ITPR3: variants seen among roughly 807,000 people sequenced by gnomAD.
The protein encoded by ITPR3 is inositol 1,4,5-trisphosphate receptor type 3.
In ITPR3, 173 loss-of-function variants were observed where a neutral mutation model predicts 293.2. The observed-to-expected ratio is 0.59, with a 90% CI of 0.52 to 0.67. The LOEUF is 0.67. Ranked by LOEUF, ITPR3 falls within the 30% of genes least tolerant of loss-of-function variation. The pLI is 0.00. For missense variants in ITPR3, 2,796 were observed against 3,592.1 expected (o/e 0.78, Z 5.66); for synonymous variants, 1,295 against 1,444.4 (o/e 0.90, Z 2.35).
At chr6:33,674,515 G>A (rs1053465979) in intron 24 of ITPR3, among the ~76,000 whole-genome samples, 7 of 152,234 alleles carry the variant, frequency 4.6e-5, no homozygotes, top group Non-Finnish European at 1.0e-4. Context: ...CTCTTGTGCA[G>A]TGGACTTGAG....
intron 23 of ITPR3, 58 bp downstream of exon 23, chr6:33,673,778 C>T: frequency 6.3e-7 from 1 of 1,592,060 alleles, no homozygotes; most frequent in Non-Finnish European, 8.6e-7. Flanking sequence ...GGATACACAG[C>T]AGTGGGGTGG....
In ITPR3 at chr6:33,658,240, G is replaced by T. The variant is rs1447745809; in HGVS notation, c.369+222G>T. ...CCATGGGTGTGTTTACAGCATGGTG[G>T]CCATCAGCATGGAGTCTGGAGCCAC... On this transcript the variant is annotated intron_variant, in intron 4 of 57. Coordinates refer to ENST00000605930, the MANE Select transcript of ITPR3 (RefSeq NM_002224.4). This position sits in a 1 kb window ranked among gnomAD's most constrained non-coding sequence, Gnocchi z 6.1. Among the ~76,000 whole-genome samples the T allele has an allele frequency of 2.0e-5, 3 of 152,154 alleles. No individual in the cohort carries two copies. Among genetic ancestry groups the T allele is most frequent in the Non-Finnish European group, 4.4e-5 (3 of 68,020 alleles).
chr6:33,681,369 G>C (rs1194697044), intron 33 of ITPR3, among the ~76,000 whole-genome samples: 1 of 152,230 alleles, frequency 6.6e-6, no homozygotes, highest in Non-Finnish European at 1.5e-5. Context: ...TCCCTGGCAG[G>C]ATCCTTCGTG....
Position 33,678,797 on chromosome 6 carries a change from G to A in ITPR3, c.3930G>A (p.Glu1310=). 6.2e-7 allele frequency: 1 copy of A among 1,613,592 alleles called. No homozygotes were observed. The highest frequency in any genetic ancestry group is 8.5e-7 in the Non-Finnish European group (1 of 1,179,884). ...LDFLHTVIKA[E]GKYVKKCQDM... Reference sequence around the variant, plus strand: ...TCCTGCACACCGTCATTAAGGCCGAGGGCAAGTACGTCAAGAAGTGCCAGG... The same window carrying A: ...TCCTGCACACCGTCATTAAGGCCGAAGGCAAGTACGTCAAGAAGTGCCAGG... The change falls in exon 30 of 58, where the codon GAG becomes GAA. Residue 1310 remains glutamate, a synonymous_variant. Coordinates refer to ENST00000605930, the MANE Select transcript of ITPR3 (RefSeq NM_002224.4).
chr6:33,635,380 T>G (rs894911163), intron 1 of ITPR3, among the ~76,000 whole-genome samples: 1 of 152,230 alleles, frequency 6.6e-6, no homozygotes, highest in Non-Finnish European at 1.5e-5. Flanking sequence ...TTGCTTCTTG[T>G]GTACTTTACT....
Position 33,694,907 on chromosome 6 carries a change from C to G in ITPR3, c.7786-17C>G, listed in dbSNP as rs373315217. The G allele has an allele frequency of 8.7e-6, 14 of 1,613,970 alleles. No homozygotes were observed. The African/African-American group carries it at 1.9e-4, about 22-fold the overall frequency. On this transcript the variant is annotated splice_polypyrimidine_tract_variant and intron_variant, in intron 56 of 57. Coordinates refer to ENST00000605930, the MANE Select transcript of ITPR3 (RefSeq NM_002224.4). ...GCCGGGCCCACGCCTGCTTAACCCACTGGTGATGTTTTTCAGAACAAGAAC... is the reference window on the plus strand; with the variant it reads ...GCCGGGCCCACGCCTGCTTAACCCAGTGGTGATGTTTTTCAGAACAAGAAC...
chr6:33,621,775 C>A lies in ITPR3; in HGVS notation c.89+84C>A. On this transcript the variant is annotated intron_variant, in intron 1 of 57. Coordinates refer to ENST00000605930, the MANE Select transcript of ITPR3 (RefSeq NM_002224.4). This position sits in a 1 kb window ranked among gnomAD's most constrained non-coding sequence, Gnocchi z 7.7. ...GCCAGCTGCGTGCGTCCAGCCGCCG[C>A]CCCCCGATAGAGGCCTGGACGTCCC... The A allele has an allele frequency of 2.9e-6, 3 of 1,027,064 alleles. No individual in the cohort carries two copies. Among genetic ancestry groups the A allele is most frequent in the Non-Finnish European group, 4.4e-6 (3 of 678,938 alleles). 63.6% of individuals were successfully genotyped at this position (1,027,064 alleles called of 1,614,324 possible). A position where few individuals can be genotyped will look rare whatever the true frequency, so the allele number is the denominator to read the frequency against.
In ITPR3 at chr6:33,665,219, CTGCAGTGGCACAGGGG is replaced by C. The variant is rs749568495; in HGVS notation, c.1409+8_1409+23del. 2.6e-4 allele frequency: 426 copies of C among 1,611,942 alleles called. No homozygotes were observed. The highest frequency in any genetic ancestry group is 3.5e-4 in the Non-Finnish European group (411 of 1,178,440). On this transcript the variant is annotated splice_region_variant and intron_variant, in intron 13 of 57. Transcript: ENST00000605930. ...ATCAGCCAGAATGACCGCAGGTGGG[CTGCAGTGGCACAGGGG>C]TTTTCTGAGTGATCTTGCCCTCCCA...
At chr6:33,671,728 G>A (rs9469549) in intron 21 of ITPR3, among the ~76,000 whole-genome samples, 3 of 152,078 alleles carry the variant, frequency 2.0e-5, no homozygotes, top group Admixed American at 6.5e-5. Context: ...TGTCCTCCCC[G>A]CAGTGTCCTC....
In ITPR3 at chr6:33,680,566, G is replaced by A; in HGVS notation, c.4362G>A (p.Lys1454=). 3 of 1,613,938 alleles carry A rather than the reference G, an allele frequency of 1.9e-6. No homozygotes were observed. The African/African-American group carries it at 4.0e-5, about 22-fold the overall frequency. Residue 1454 remains lysine, a synonymous_variant, in exon 33 of 58, where the codon AAG becomes AAA. Coordinates refer to ENST00000605930, the MANE Select transcript of ITPR3 (RefSeq NM_002224.4). The stretch of plus-strand genomic sequence containing the variant: ...CTCTCCTGCCTCAGGTCTGCAGCAA[G>A]CGTGAGAAGCGCGTGGCTGACCCCA... The part of the protein sequence containing the change: ...FTLDMARVCS[K]REKRVADPTL...
chr6:33,694,611 C>A, intron 56 of ITPR3: 1 of 342,718 alleles, frequency 2.9e-6, no homozygotes, highest in South Asian at 2.8e-5. Context: ...CAGAGGCCTT[C>A]CTCCACCTCT....
At position 33,675,101 on chromosome 6, in the gene ITPR3, A is replaced by G. The variant is rs1201094387; in HGVS notation, c.3117-590A>G. Among the ~76,000 whole-genome samples the G allele has an allele frequency of 2.0e-5, 3 of 152,176 alleles. No homozygotes were observed. Among genetic ancestry groups the G allele is most frequent in the African/African-American group, 4.8e-5 (2 of 41,448 alleles). On this transcript the variant is annotated intron_variant, in intron 24 of 57. Transcript: ENST00000605930. This position sits in a 1 kb window ranked among gnomAD's most constrained non-coding sequence, Gnocchi z 5.0. ...CCGCTTCTATCCATGAATCCCCCGC[A>G]TGGTGGCAGTGGGATCTGTGTTAAG...
chr6:33,687,941 G>T lies in ITPR3; in HGVS notation c.6265-116G>T. 1.2e-6 allele frequency: 1 copy of T among 802,262 alleles called. No individual in the cohort carries two copies. Among genetic ancestry groups the T allele is most frequent in the Non-Finnish European group, 2.0e-6 (1 of 503,056 alleles). The allele number at this position is 802,262 out of a possible 1,614,324, so 49.7% of individuals were successfully genotyped here. On this transcript the variant is annotated intron_variant, in intron 46 of 57. Transcript: ENST00000605930. This position sits in a 1 kb window ranked among gnomAD's most constrained non-coding sequence, Gnocchi z 5.3. Reference sequence around the variant, plus strand: ...TGGGCTTGGCCTGCTCTGGCTTGGCGGGGACACTCGCTGAAGTGTAGTTCA... The same window carrying T: ...TGGGCTTGGCCTGCTCTGGCTTGGCTGGGACACTCGCTGAAGTGTAGTTCA...
In ITPR3 at chr6:33,664,642, G is replaced by A. The variant is rs576884387; in HGVS notation, c.1149-228G>A. Among the ~76,000 whole-genome samples the A allele has an allele frequency of 1.3e-5, 2 of 152,306 alleles. No individual in the cohort carries two copies. Among genetic ancestry groups the A allele is most frequent in the East Asian group, 1.9e-4 (1 of 5,172 alleles). On this transcript the variant is annotated intron_variant, in intron 11 of 57. Coordinates refer to ENST00000605930, the MANE Select transcript of ITPR3 (RefSeq NM_002224.4). The surrounding 1 kb of genome is among the most constrained non-coding windows in gnomAD (Gnocchi z 4.4). ...TTTGGAAGCGTGGACAAGGCTGCCC[G>A]TGTCAGTGCAGTGGTCAGGACGGGG...
Position 33,687,430 on chromosome 6 carries a change from TGTCCCCCAGCCACCAC to T in ITPR3, c.6178-47_6178-32del. On this transcript the variant is annotated intron_variant, in intron 45 of 57. Transcript: ENST00000605930. This position sits in a 1 kb window ranked among gnomAD's most constrained non-coding sequence, Gnocchi z 5.3. ...CGCCATTGTCGCCCCCCAGCCACCA[TGTCCCCCAGCCACCAC>T]ACCCTGGTGACTGTGCTGCCATTTC... The T allele has an allele frequency of 6.5e-7, 1 of 1,548,152 alleles. No homozygotes were observed. Among genetic ancestry groups the T allele is most frequent in the South Asian group, 1.2e-5 (1 of 86,514 alleles).
Position 33,683,238 on chromosome 6 carries a change from C to G in ITPR3, c.4629C>G (p.Asp1543Glu). The change falls in exon 35 of 58, where the codon GAC (aspartate) becomes GAG (glutamate). Residue 1543 changes from aspartate (D) to glutamate (E), a missense_variant. Around this residue, in one of 8 missense-constraint regions of ITPR3, gnomAD observed 704 missense variants for 797.5 expected, o/e 0.88. Transcript: ENST00000605930. The surrounding 1 kb of genome is among the most constrained non-coding windows in gnomAD (Gnocchi z 4.5). Reference sequence around the variant, plus strand: ...GCCGGGCCATCTTGCTGCCCATGGACCTGGATGCCCACATCAGCTCGATGC... The same window carrying G: ...GCCGGGCCATCTTGCTGCCCATGGAGCTGGATGCCCACATCAGCTCGATGC... Reference protein sequence around the residue: ...AKGRAILLPMDLDAHISSMLS... With the variant: ...AKGRAILLPMELDAHISSMLS... 1.3e-6 allele frequency: 2 copies of G among 1,553,328 alleles called. No homozygotes were observed. The highest frequency in any genetic ancestry group is 1.7e-6 in the Non-Finnish European group (2 of 1,145,560).
At chr6:33,678,233 C>G (rs1000434344) in intron 28 of ITPR3, among the ~76,000 whole-genome samples, 188 bp from the exon 29 acceptor site, 1 of 152,186 alleles carries the variant, frequency 6.6e-6, no homozygotes, top group Non-Finnish European at 1.5e-5. Flanking sequence ...CCAGCCTCAT[C>G]TTGGCCATTG....
chr6:33,663,621 G>A lies in ITPR3; in HGVS notation c.1005+71G>A, dbSNP rs920195170. ...GGGGTAGGCGGGGGCAGGGGAGGCC[G>A]TGAAAACCTGGGAGGTGGGCTGGAG... On this transcript the variant is annotated intron_variant, in intron 10 of 57. Transcript: ENST00000605930. The A allele has an allele frequency of 5.6e-5, 90 of 1,600,714 alleles. 1 individual carries two copies. The highest frequency in any genetic ancestry group is 1.4e-4 in the South Asian group (13 of 90,074).
chr6:33,628,409 G>A lies in ITPR3; in HGVS notation c.89+6718G>A, dbSNP rs186540991. On this transcript the variant is annotated intron_variant, in intron 1 of 57. Coordinates refer to ENST00000605930, the MANE Select transcript of ITPR3 (RefSeq NM_002224.4). ...ATGTCAGGCTGGTCATGCGAAAGGT[G>A]CCAGTGACACCCAGCATTTGTACCT... Among the ~76,000 whole-genome samples, 86 of 152,344 alleles carry A rather than the reference G, an allele frequency of 5.6e-4. 1 individual carries two copies. The highest frequency in any genetic ancestry group is 6.8e-3 in the Middle Eastern group (2 of 294).
Sources: gnomAD v4.1 joint callset for allele counts (sites outside exome capture counted in the v4.1 genomes callset) on GRCh38, gnomAD v4.1.1 for gene constraint, gnomAD v4.1.1 regional missense constraint, Gnocchi (gnomAD v3.1) non-coding constraint, MANE v1.5 for transcripts, NCBI Gene and HGNC (gene_info 2026-07-23, HGNC 2026-07-21) for gene names.